KCND2: variants seen among roughly 807,000 people sequenced by gnomAD.
KCND2 encodes A-type voltage-gated potassium channel KCND2.
Under a neutral mutation model 54.4 loss-of-function variants are expected in KCND2, and 16 were observed. The ratio of observed to expected loss-of-function variants is 0.29; its 90% CI spans 0.20 to 0.45. KCND2 has a LOEUF of 0.45. Among genes scored for constraint, KCND2 ranks in the 20% least tolerant of loss-of-function variants. KCND2 has a pLI of 1.00. For synonymous variants in KCND2, 317 were observed against 310.7 expected (o/e 1.02, Z -0.21); for missense variants, 486 against 824.2 (o/e 0.59, Z 5.02).
At chr7:120,423,693 T>A (rs988453428) in intron 1 of KCND2, among the ~76,000 whole-genome samples, 1 of 152,234 alleles carries the variant, frequency 6.6e-6, no homozygotes, top group Non-Finnish European at 1.5e-5. Context: ...TATTTCTGTC[T>A]CTGGAAGAAA....
intron 1 of KCND2, among the ~76,000 whole-genome samples, chr7:120,342,612 C>A (rs1800256461): frequency 6.6e-6 from 1 of 152,058 alleles, no homozygotes; most frequent in African/African-American, 2.4e-5. Flanking sequence ...ATCAGGACAT[C>A]ATTTGCTTTT....
At chr7:120,565,165 A>G (rs1792281457) in intron 1 of KCND2, among the ~76,000 whole-genome samples, 1 of 152,210 alleles carries the variant, frequency 6.6e-6, no homozygotes, top group Non-Finnish European at 1.5e-5. Flanking sequence ...AAATTAGAAG[A>G]TGGAGTGAAA....
At position 120,275,556 on chromosome 7, in the gene KCND2, A is replaced by G; in HGVS notation, c.924A>G (p.Gln308=). 1 of 1,613,672 alleles carries G rather than the reference A, an allele frequency of 6.2e-7. No homozygotes were observed. Among genetic ancestry groups the G allele is most frequent in the Non-Finnish European group, 8.5e-7 (1 of 1,179,864 alleles). Residue 308 remains glutamine, a synonymous_variant, in exon 1 of 6, where the codon CAA becomes CAG. Transcript: ENST00000331113. ...TCTTTAAGTTTTCCCGCCACTCTCA[A>G]GGCCTGCGCATCCTGGGGTACACAC... The part of the protein sequence containing the change: ...FRIFKFSRHS[Q]GLRILGYTLK...
intron 1 of KCND2, among the ~76,000 whole-genome samples, chr7:120,638,268 ACT>A (rs1045076840): frequency 1.6e-4 from 25 of 151,950 alleles, no homozygotes; most frequent in African/African-American, 5.8e-4. Flanking sequence ...TCCAGCATGG[ACT>A]CTCCATGATT....
intron 1 of KCND2, among the ~76,000 whole-genome samples, chr7:120,345,108 T>A (rs1343396578): frequency 6.6e-6 from 1 of 152,094 alleles, no homozygotes; most frequent in Admixed American, 6.6e-5. Context: ...AAGAACTTAC[T>A]CTAATCTGAA....
At chr7:120,671,615 C>A (rs1791994488) in intron 1 of KCND2, among the ~76,000 whole-genome samples, 1 of 152,080 alleles carries the variant, frequency 6.6e-6, no homozygotes, top group South Asian at 2.1e-4. Context: ...CCTTTCCTCA[C>A]CACTGTCATA....
intron 1 of KCND2, among the ~76,000 whole-genome samples, chr7:120,590,836 A>C (rs552626055): frequency 6.6e-6 from 1 of 152,238 alleles, no homozygotes; most frequent in South Asian, 2.1e-4. Flanking sequence ...AGTTGTATTC[A>C]TTATGTAGAT....
chr7:120,601,331 G>T (rs73217293), intron 1 of KCND2, among the ~76,000 whole-genome samples: 32 of 152,082 alleles, frequency 2.1e-4, no homozygotes, highest in Non-Finnish European at 4.4e-4. Context: ...AAAAAACTGG[G>T]AAGGGAACAC....
At chr7:120,608,802 G>A (rs1018404426) in intron 1 of KCND2, among the ~76,000 whole-genome samples, 4 of 152,114 alleles carry the variant, frequency 2.6e-5, no homozygotes, top group African/African-American at 9.7e-5. Context: ...TCAAAGTTTA[G>A]ACGAGAGGCT....
chr7:120,686,852 C>A (rs1252152361), intron 1 of KCND2, among the ~76,000 whole-genome samples: 1 of 152,160 alleles, frequency 6.6e-6, no homozygotes, highest in Non-Finnish European at 1.5e-5. Flanking sequence ...GAGTCCATTA[C>A]CCAGCTCCTG....
intron 1 of KCND2, among the ~76,000 whole-genome samples, chr7:120,353,662 A>G (rs1800449578): frequency 1.3e-5 from 2 of 152,178 alleles, no homozygotes; most frequent in Admixed American, 6.5e-5. Flanking sequence ...ATATGGGTCT[A>G]TAGCTCAAGA....
intron 1 of KCND2, among the ~76,000 whole-genome samples, chr7:120,719,914 C>A (rs537853507): frequency 3.3e-5 from 5 of 152,238 alleles, no homozygotes; most frequent in Admixed American, 3.3e-4. Flanking sequence ...TACTTAGTCA[C>A]CATGAGGCTT....
intron 1 of KCND2, among the ~76,000 whole-genome samples, chr7:120,339,875 A>G (rs1302280661): frequency 1.3e-5 from 2 of 152,180 alleles, no homozygotes; most frequent in African/African-American, 4.8e-5. Context: ...ATCTAAGCAG[A>G]TATCTGGAGG....
chr7:120,327,941 A>G (rs1800003409), intron 1 of KCND2, among the ~76,000 whole-genome samples: 1 of 152,146 alleles, frequency 6.6e-6, no homozygotes, highest in African/African-American at 2.4e-5. Context: ...AGAACATGCC[A>G]TAGCAACTAT....
At chr7:120,742,643 G>A in intron 4 of KCND2, 41 bp downstream of exon 4, 5 of 1,468,830 alleles carry the variant, frequency 3.4e-6, no homozygotes, top group Non-Finnish European at 4.8e-6. Context: ...CTCTCTGACA[G>A]TAATTCCATT....
intron 1 of KCND2, among the ~76,000 whole-genome samples, chr7:120,383,351 C>A (rs551489571): frequency 6.6e-6 from 1 of 151,928 alleles, no homozygotes; most frequent in East Asian, 1.9e-4. Context: ...CCATTTGGCA[C>A]CTTATAGTCG....
chr7:120,315,690 G>C (rs1180183472), intron 1 of KCND2, among the ~76,000 whole-genome samples: 1 of 151,828 alleles, frequency 6.6e-6, no homozygotes, highest in Non-Finnish European at 1.5e-5. Flanking sequence ...AAATTTCATA[G>C]TCATAAATCA....
At chr7:120,442,181 T>G (rs949272537) in intron 1 of KCND2, among the ~76,000 whole-genome samples, 5 of 152,028 alleles carry the variant, frequency 3.3e-5, no homozygotes, top group African/African-American at 1.2e-4. Context: ...CTACCTGGAG[T>G]TATCCATTAA....
At chr7:120,661,444 T>A (rs1487789275) in intron 1 of KCND2, among the ~76,000 whole-genome samples, 1 of 151,512 alleles carries the variant, frequency 6.6e-6, no homozygotes, top group East Asian at 1.9e-4. Flanking sequence ...AAGTCAGGAG[T>A]TCAAGACCAG....
Sources: allele counts gnomAD v4.1 joint callset (sites outside exome capture counted in the v4.1 genomes callset), GRCh38; gene constraint gnomAD v4.1.1; transcripts MANE v1.5; gene names NCBI Gene and HGNC (gene_info 2026-07-23, HGNC 2026-07-21).